The following RBMS3 variants were observed in gnomAD, a reference collection of about 807,000 sequenced individuals.
RBMS3 encodes the protein RNA-binding motif, single-stranded-interacting protein 3.
Under a neutral mutation model 66.8 loss-of-function variants are expected in RBMS3, and 27 were observed. The ratio of observed to expected loss-of-function variants is 0.40; its 90% confidence interval spans 0.30 to 0.56. RBMS3 has a LOEUF of 0.56. RBMS3 is among the 20% of genes least tolerant of loss of function. RBMS3 has a pLI of 0.40. For missense variants in RBMS3, 513 were observed against 549.5 expected, an observed-to-expected ratio of 0.93 and a Z score of 0.66; for synonymous variants, 188 against 183.0, an observed-to-expected ratio of 1.03 and a Z score of -0.22.
rs146387449 is a variant in RBMS3 at position 29,835,929 on chromosome 3, A to G, written c.638-32929A>G. Among the ~76,000 whole-genome samples the G allele has an allele frequency of 1.7e-3, 261 of 152,082 alleles. 2 individuals carry two copies. Among genetic ancestry groups the G allele is most frequent in the African/African-American group, 6.0e-3 (249 of 41,548 alleles). On this transcript the variant is annotated intron_variant, in intron 6 of 14. Coordinates refer to ENST00000383767, the MANE Select transcript of RBMS3 (RefSeq NM_001003793.3). ...TTAAATAAATATGATCAGAAATAAA[A>G]GAGGAGAAATTAGAACAGACACCAC...
chr3:29,851,084 C>T (rs2058922447), intron 6 of RBMS3, among the ~76,000 whole-genome samples: 1 of 152,212 alleles, frequency 6.6e-6, no homozygotes, highest in Non-Finnish European at 1.5e-5. Context: ...TCTATTACTT[C>T]CTCTTCTGTC....
chr3:29,991,031 G>T (rs1241424023), intron 13 of RBMS3, 51 bp from the exon 14 acceptor site: 16 of 1,568,164 alleles, frequency 1.0e-5, no homozygotes, highest in Non-Finnish European at 1.3e-5. Flanking sequence ...ATCTAGAGAG[G>T]GCCCTTCACT....
At chr3:29,753,699 T>A (rs571153832) in intron 5 of RBMS3, among the ~76,000 whole-genome samples, 2 of 152,258 alleles carry the variant, frequency 1.3e-5, no homozygotes, top group Non-Finnish European at 2.9e-5. Flanking sequence ...CTCTTGCAAA[T>A]CTTTATTATT....
At chr3:29,495,449 C>CTTCTTCTG (rs1435065635) in intron 3 of RBMS3, among the ~76,000 whole-genome samples, 1 of 109,908 alleles carries the variant, frequency 9.1e-6, no homozygotes, top group Non-Finnish European at 1.8e-5. Context: ...GAGACATAGT[C>CTTCTTCTG]TTCTTCTGTC....
chr3:29,941,467 ATATT>A (rs2061391918), intron 11 of RBMS3, among the ~76,000 whole-genome samples: 1 of 151,832 alleles, frequency 6.6e-6, no homozygotes, highest in Non-Finnish European at 1.5e-5. Flanking sequence ...TTAGGAAAAA[ATATT>A]AATTAAAACA....
chr3:29,583,814 G>A (rs1487334136), intron 3 of RBMS3, among the ~76,000 whole-genome samples: 1 of 152,030 alleles, frequency 6.6e-6, no homozygotes, highest in Non-Finnish European at 1.5e-5. Flanking sequence ...TGTAGAAAGT[G>A]GTCAATAATG....
intron 5 of RBMS3, among the ~76,000 whole-genome samples, chr3:29,752,429 T>C (rs1690076786): frequency 6.6e-6 from 1 of 152,176 alleles, no homozygotes; most frequent in Non-Finnish European, 1.5e-5. Context: ...GGCATTGGTT[T>C]TGGGCTTGAG....
At chr3:30,000,895 G>A (rs895320927) in intron 14 of RBMS3, among the ~76,000 whole-genome samples, 1 of 152,014 alleles carries the variant, frequency 6.6e-6, no homozygotes, top group African/African-American at 2.4e-5. Flanking sequence ...CAGGGAGTGG[G>A]GGACTAAGGA....
chr3:29,320,430 A>G (rs2034938640), intron 1 of RBMS3, among the ~76,000 whole-genome samples: 1 of 152,104 alleles, frequency 6.6e-6, no homozygotes, highest in Non-Finnish European at 1.5e-5. Flanking sequence ...AAATACATGA[A>G]TAAAGAATAA....
At chr3:29,794,406 G>A (rs1467858093) in intron 6 of RBMS3, among the ~76,000 whole-genome samples, 5 of 152,144 alleles carry the variant, frequency 3.3e-5, no homozygotes, top group African/African-American at 1.2e-4. Context: ...CTAACATGGT[G>A]AAACCCCGTC....
At chr3:29,537,382 C>T (rs774211841) in intron 3 of RBMS3, among the ~76,000 whole-genome samples, 5 of 152,128 alleles carry the variant, frequency 3.3e-5, no homozygotes, top group Non-Finnish European at 7.4e-5. Flanking sequence ...TCCCTCGTGG[C>T]AACAGCAATT....
At chr3:29,784,939 GGA>G (rs1390817125) in intron 6 of RBMS3, among the ~76,000 whole-genome samples, 1 of 152,008 alleles carries the variant, frequency 6.6e-6, no homozygotes, top group Non-Finnish European at 1.5e-5. Flanking sequence ...TAGAGGAGAT[GGA>G]TACATTTCTG....
chr3:29,428,123 A>G (rs1400935617), intron 1 of RBMS3, among the ~76,000 whole-genome samples: 1 of 151,992 alleles, frequency 6.6e-6, no homozygotes, highest in Non-Finnish European at 1.5e-5. Context: ...TAGGCCATTG[A>G]GTTAGTATCA....
At chr3:29,462,426 C>A (rs1242720212) in intron 2 of RBMS3, among the ~76,000 whole-genome samples, 1 of 152,168 alleles carries the variant, frequency 6.6e-6, no homozygotes, top group Non-Finnish European at 1.5e-5. Flanking sequence ...AATGATGTAT[C>A]ATATTCTCAT....
At chr3:29,320,593 G>A (rs2034950871) in intron 1 of RBMS3, among the ~76,000 whole-genome samples, 1 of 151,986 alleles carries the variant, frequency 6.6e-6, no homozygotes, top group South Asian at 2.1e-4. Flanking sequence ...TTCACTTACA[G>A]AGGAATATTT....
chr3:29,999,348 A>T (rs1699459350), intron 14 of RBMS3, among the ~76,000 whole-genome samples: 1 of 152,244 alleles, frequency 6.6e-6, no homozygotes, highest in Non-Finnish European at 1.5e-5. Context: ...TGTAGAAGTC[A>T]GTGTGGTGAT....
intron 4 of RBMS3, among the ~76,000 whole-genome samples, chr3:29,592,907 G>C (rs2047800988): frequency 6.7e-6 from 1 of 148,970 alleles, no homozygotes; most frequent in African/African-American, 2.5e-5. Context: ...CTATCGCAAG[G>C]ACAAAAAACC....
chr3:29,409,081 C>T (rs1019998003), intron 1 of RBMS3, among the ~76,000 whole-genome samples: 142 of 152,244 alleles, frequency 9.3e-4, no homozygotes, highest in African/African-American at 3.3e-3. Context: ...GTTTTAATGT[C>T]GCACAGCAAG....
chr3:29,306,278 T>C (rs1213585943), intron 1 of RBMS3, among the ~76,000 whole-genome samples: 1 of 151,944 alleles, frequency 6.6e-6, no homozygotes, highest in African/African-American at 2.4e-5. Flanking sequence ...TGACTCAATC[T>C]AGGAATAGCA....
Sources: gnomAD v4.1 joint callset for allele counts (sites outside exome capture counted in the v4.1 genomes callset) on GRCh38, gnomAD v4.1.1 for gene constraint, MANE v1.5 for transcripts, NCBI Gene and HGNC (gene_info 2026-07-23, HGNC 2026-07-21) for gene names.